EPS15L1: variants seen among roughly 807,000 people sequenced by gnomAD.
The protein encoded by EPS15L1 is epidermal growth factor receptor substrate 15-like 1.
Under a neutral mutation model 117.1 loss-of-function variants are expected in EPS15L1, and 43 were observed. The observed-to-expected ratio is 0.37, with a 90% CI of 0.29 to 0.47. The LOEUF is 0.47. Among genes scored for constraint, EPS15L1 ranks in the 20% least tolerant of loss-of-function variants. The pLI is 0.99. For missense variants in EPS15L1, 981 were observed against 1,164.0 expected (o/e 0.84, Z 2.29); for synonymous variants, 459 against 470.5 (o/e 0.98, Z 0.32).
At chr19:16,444,323 G>A (rs898780114) in intron 1 of EPS15L1, among the ~76,000 whole-genome samples, 1 of 152,166 alleles carries the variant, frequency 6.6e-6, no homozygotes, top group African/African-American at 2.4e-5. Flanking sequence ...AGGTAAGTGT[G>A]TATAGCAACA....
intron 1 of EPS15L1, among the ~76,000 whole-genome samples, chr19:16,455,901 C>T (rs763175159): frequency 2.0e-5 from 3 of 152,168 alleles, no homozygotes; most frequent in Non-Finnish European, 2.9e-5. Context: ...CCCCACCCTT[C>T]GCATAAAACC....
intron 1 of EPS15L1, among the ~76,000 whole-genome samples, chr19:16,460,845 G>A (rs946709586): frequency 6.6e-6 from 1 of 152,220 alleles, no homozygotes; most frequent in African/African-American, 2.4e-5. Context: ...GAGGGGGACA[G>A]TCCATCCCCA....
Position 16,405,218 on chromosome 19 carries a change from G to C in EPS15L1, c.1267-469C>G, listed in dbSNP as rs1277288662. ...TGAGCAGGTGCCAGGCAGGTGAAGA[G>C]CCAGGGACAGAGCCTGGCGGAGGGA... On this transcript the variant is annotated intron_variant, in intron 13 of 23. Transcript: ENST00000455140. This position sits in a 1 kb window ranked among gnomAD's most constrained non-coding sequence, Gnocchi z 4.0. Among the ~76,000 whole-genome samples the C allele has an allele frequency of 3.3e-5, 5 of 152,202 alleles. No homozygotes were observed. The highest frequency in any genetic ancestry group is 7.3e-5 in the Non-Finnish European group (5 of 68,028).
At chr19:16,398,119 C>A (rs2092559598) in intron 16 of EPS15L1, among the ~76,000 whole-genome samples, 1 of 152,182 alleles carries the variant, frequency 6.6e-6, no homozygotes, top group African/African-American at 2.4e-5. Context: ...GGGCAGCCAA[C>A]TTAGGGGTGC....
rs2092419053 is a variant in EPS15L1, at chr19:16,386,177, C to T, written c.2158G>A (p.Gly720Arg). 6.2e-7 allele frequency: 1 copy of T among 1,611,220 alleles called. No individual in the cohort carries two copies. Among genetic ancestry groups the T allele is most frequent in the Admixed American group, 1.7e-5 (1 of 59,998 alleles). ...AATAAGTCATGGGTCTCACCTGATC[C>T]TTTTGAGGAGACACTGGAGGATGAA... ...PFSSSSVSSKGSDPFGTLDPF... is the reference protein window; with the variant it reads ...PFSSSSVSSKRSDPFGTLDPF... Residue 720 changes from glycine (G) to arginine (R), a missense_variant, in exon 20 of 24, where the codon GGA (glycine) becomes AGA (arginine). By Grantham distance (125) the Gly-to-Arg change is moderately radical (BLOSUM62 -2). This residue lies in a region of EPS15L1 where 819 missense variants were observed against 949.0 expected (regional missense o/e 0.86). Transcript: ENST00000455140.
chr19:16,370,216 T>G lies in EPS15L1; in HGVS notation c.2380+6906A>C, dbSNP rs897220336. ...ATGGCCAGATTCCCCATTGCCCGAGTGCATGTGATATTTTGCAGTTAGCAG... is the reference window on the plus strand; with the variant it reads ...ATGGCCAGATTCCCCATTGCCCGAGGGCATGTGATATTTTGCAGTTAGCAG... On this transcript the variant is annotated intron_variant, in intron 22 of 23. Transcript: ENST00000455140. This position sits in a 1 kb window ranked among gnomAD's most constrained non-coding sequence, Gnocchi z 5.2. Among the ~76,000 whole-genome samples, 2 of 152,000 alleles carry G rather than the reference T, an allele frequency of 1.3e-5. No individual in the cohort carries two copies. The highest frequency in any genetic ancestry group is 6.5e-5 in the Admixed American group (1 of 15,274).
chr19:16,464,966 C>T (rs1164124444), intron 1 of EPS15L1, among the ~76,000 whole-genome samples: 2 of 151,802 alleles, frequency 1.3e-5, no homozygotes, highest in African/African-American at 2.4e-5. Flanking sequence ...GTAGTCCCAG[C>T]TACGCAGGAG....
chr19:16,465,728 T>C (rs755687420), intron 1 of EPS15L1, among the ~76,000 whole-genome samples: 1 of 152,182 alleles, frequency 6.6e-6, no homozygotes, highest in Non-Finnish European at 1.5e-5. Flanking sequence ...TGTCCCTCTC[T>C]ACCTTTTAAT....
intron 1 of EPS15L1, among the ~76,000 whole-genome samples, chr19:16,446,167 G>A (rs191719246): frequency 2.0e-5 from 3 of 152,256 alleles, no homozygotes; most frequent in East Asian, 3.9e-4. Flanking sequence ...TCACACAAGC[G>A]CCTGTAACTG....
chr19:16,425,062 T>C, intron 9 of EPS15L1, 21 bp downstream of exon 9: 1 of 1,591,120 alleles, frequency 6.3e-7, no homozygotes, highest in Non-Finnish European at 8.6e-7. Flanking sequence ...GAGGGGGCTG[T>C]GCCCGCTGAG....
intron 16 of EPS15L1, among the ~76,000 whole-genome samples, chr19:16,398,727 A>G (rs187456302): frequency 1.3e-3 from 201 of 152,302 alleles, no homozygotes; most frequent in African/African-American, 4.8e-3. Context: ...GTGCAATCCC[A>G]CTACTGAGCA....
intron 5 of EPS15L1, 60 bp downstream of exon 5, chr19:16,437,702 CATGCACAT>C (rs1400950154): frequency 1.9e-6 from 2 of 1,071,906 alleles, no homozygotes; most frequent in African/African-American, 3.1e-5. Context: ...CACATACACA[CATGCACAT>C]ACACACACAC....
Position 16,444,311 on chromosome 19 carries a change from G to C in EPS15L1, c.34-2092C>G, listed in dbSNP as rs549683212. On this transcript the variant is annotated intron_variant, in intron 1 of 23. Coordinates refer to ENST00000455140, the MANE Select transcript of EPS15L1 (RefSeq NM_001258374.3). ...ACAAAGACATCATGGAAAAGACATAGGAGGTAAGTGTGTATAGCAACAGCA... is the reference window on the plus strand; with the variant it reads ...ACAAAGACATCATGGAAAAGACATACGAGGTAAGTGTGTATAGCAACAGCA... Among the ~76,000 whole-genome samples the C allele has an allele frequency of 1.2e-4, 19 of 152,246 alleles. No individual in the cohort carries two copies. In the South Asian group the frequency reaches 3.9e-3, roughly 32 times the overall value.
Position 16,425,133 on chromosome 19 carries a change from G to A in EPS15L1, c.742C>T (p.Leu248Phe), listed in dbSNP as rs1195441997. The change falls in exon 9 of 24, where the codon CTC (leucine) becomes TTC (phenylalanine). Residue 248 changes from leucine (L) to phenylalanine (F), a missense_variant. Physicochemically the swap from Leu to Phe is conservative, Grantham distance 22 (BLOSUM62 0). Around this residue, in one of 5 missense-constraint regions of EPS15L1, gnomAD observed 819 missense variants for 949.0 expected, o/e 0.86. Coordinates refer to ENST00000455140, the MANE Select transcript of EPS15L1 (RefSeq NM_001258374.3). Reference sequence around the variant, plus strand: ...GGGGACAGGCTCCCTGTGCTGTTGAGGCTGCTGACGCTGCCGTGGGACGGC... The same window carrying A: ...GGGGACAGGCTCCCTGTGCTGTTGAAGCTGCTGACGCTGCCGTGGGACGGC... Reference protein sequence around the residue: ...STPSHGSVSSLNSTGSLSPKH... With the variant: ...STPSHGSVSSFNSTGSLSPKH... 1 of 1,614,192 alleles carries A rather than the reference G, an allele frequency of 6.2e-7. No individual in the cohort carries two copies. Among genetic ancestry groups the A allele is most frequent in the Non-Finnish European group, 8.5e-7 (1 of 1,180,022 alleles).
intron 9 of EPS15L1, 118 bp downstream of exon 9, chr19:16,424,965 G>C: frequency 1.0e-6 from 1 of 970,112 alleles, no homozygotes; most frequent in South Asian, 1.3e-5. Context: ...CTGGCCACAA[G>C]CATTTTTTAA....
At chr19:16,374,631 C>T (rs537955207) in intron 22 of EPS15L1, among the ~76,000 whole-genome samples, 7 of 152,276 alleles carry the variant, frequency 4.6e-5, no homozygotes, top group African/African-American at 7.2e-5. Flanking sequence ...GCAGACCCAG[C>T]GCCGGGTTTA....
chr19:16,398,431 GAC>G (rs1331766856), intron 16 of EPS15L1, among the ~76,000 whole-genome samples: 1 of 152,118 alleles, frequency 6.6e-6, no homozygotes, highest in Non-Finnish European at 1.5e-5. Context: ...ACGACCACAA[GAC>G]ACACACGCCC....
Position 16,392,344 on chromosome 19 carries a change from G to A in EPS15L1, c.2063C>T (p.Thr688Ile). The A allele has an allele frequency of 1.2e-6, 2 of 1,614,194 alleles. No homozygotes were observed. Among genetic ancestry groups the A allele is most frequent in the Non-Finnish European group, 8.5e-7 (1 of 1,180,014 alleles). ...FKKQTKNDPF[T>I]SDPFTKNPSL... The stretch of plus-strand genomic sequence containing the variant: ...AGGGTTTTTCGTGAATGGATCCGAG[G>A]TAAATGGGTCATTCTTTGTCTGTTT... The change falls in exon 19 of 24, where the codon ACC becomes ATC. Residue 688 changes from threonine to isoleucine, a missense_variant. Transcript: ENST00000455140.
In EPS15L1 at chr19:16,355,736, G is replaced by T. The variant is rs749586023; in HGVS notation, c.2702C>A (p.Ala901Glu). 1.7e-4 allele frequency: 258 copies of T among 1,535,876 alleles called. No individual in the cohort carries two copies. Among genetic ancestry groups the T allele is most frequent in the Admixed American group, 2.2e-4 (11 of 50,982 alleles). ...QEQEDLELAI[A>E]LSKADMPAA ...GGCAGGCATGTCAGCCTTGCTGAGCGCGATGGCCAGTTCCAGGTCCTCCTG... is the reference window on the plus strand; with the variant it reads ...GGCAGGCATGTCAGCCTTGCTGAGCTCGATGGCCAGTTCCAGGTCCTCCTG... The change falls in exon 24 of 24, where the codon GCG becomes GAG. Residue 901 changes from alanine to glutamate, a missense_variant. By Grantham distance (107) the Ala-to-Glu change is moderately radical. Around this residue, in one of 5 missense-constraint regions of EPS15L1, gnomAD observed 819 missense variants for 949.0 expected, o/e 0.86. Coordinates refer to ENST00000455140, the MANE Select transcript of EPS15L1 (RefSeq NM_001258374.3).
Sources: gnomAD v4.1 joint callset for allele counts (sites outside exome capture counted in the v4.1 genomes callset) on GRCh38, gnomAD v4.1.1 for gene constraint, gnomAD v4.1.1 regional missense constraint, Gnocchi (gnomAD v3.1) non-coding constraint, MANE v1.5 for transcripts, NCBI Gene and HGNC (gene_info 2026-07-23, HGNC 2026-07-21) for gene names.